ZFAND6: variants seen among roughly 807,000 people sequenced by gnomAD.
The protein encoded by ZFAND6 is AN1-type zinc finger protein 6.
A neutral mutation model predicts 24.5 loss-of-function variants in ZFAND6; 12 were observed. That is an observed-to-expected ratio of 0.49 (90% CI 0.31 to 0.79). The LOEUF is 0.79. Ranked by LOEUF, ZFAND6 falls within the 30% of genes least tolerant of loss-of-function variation. The probability of loss-of-function intolerance (pLI) is 0.04; values close to 1 mark genes in which losing one functional copy is unlikely to be tolerated. For missense variants in ZFAND6, 207 were observed against 245.9 expected (o/e 0.84, Z 1.06); for synonymous variants, 92 against 81.5 (o/e 1.13, Z -0.69).
In ZFAND6 at chr15:80,120,726, G is replaced by A. The variant is rs1267205788; in HGVS notation, c.154+228G>A. The A allele has an allele frequency of 2.5e-5, 7 of 280,160 alleles. 1 individual carries two copies. The South Asian group carries it at 1.1e-3, about 43-fold the overall frequency. The allele number at this position is 280,160 out of a possible 1,614,324, so 17.4% of individuals were successfully genotyped here. ...TTCATACCATAATCTTATTTCTGTG[G>A]CTGTGGAATTCTGTTACTTTATTTA... On this transcript the variant is annotated intron_variant, in intron 3 of 6. Coordinates refer to ENST00000261749, the MANE Select transcript of ZFAND6 (RefSeq NM_019006.4).
chr15:80,134,906 GA>G (rs1422964076), intron 6 of ZFAND6, among the ~76,000 whole-genome samples: 5 of 152,230 alleles, frequency 3.3e-5, no homozygotes, highest in African/African-American at 1.2e-4. Flanking sequence ...ACCGTTTGGT[GA>G]TATGAGAACT....
At chr15:80,064,059 T>C (rs1467467026) in intron 1 of ZFAND6, among the ~76,000 whole-genome samples, 4 of 152,264 alleles carry the variant, frequency 2.6e-5, no homozygotes, top group Admixed American at 2.6e-4. Context: ...AGTTCCATCT[T>C]ATAAAAGTAC....
At chr15:80,087,050 T>G (rs564360048) in intron 1 of ZFAND6, among the ~76,000 whole-genome samples, 1 of 152,386 alleles carries the variant, frequency 6.6e-6, no homozygotes, top group East Asian at 1.9e-4. Context: ...ACATTTTGTT[T>G]ATCCATTCAT....
At chr15:80,121,940 T>A in intron 4 of ZFAND6, 120 bp downstream of exon 4, 1 of 846,216 alleles carries the variant, frequency 1.2e-6, no homozygotes. Flanking sequence ...CCTAAAATTT[T>A]ATCGTCTGAT....
At chr15:80,063,743 G>T (rs1177306948) in intron 1 of ZFAND6, among the ~76,000 whole-genome samples, 1 of 152,108 alleles carries the variant, frequency 6.6e-6, no homozygotes, top group Non-Finnish European at 1.5e-5. Flanking sequence ...TAGAGAGGGG[G>T]TTTCAGCATG....
intron 1 of ZFAND6, among the ~76,000 whole-genome samples, chr15:80,075,815 G>A (rs1217471935): frequency 6.6e-6 from 1 of 152,030 alleles, no homozygotes; most frequent in Admixed American, 6.6e-5. Context: ...AAATGAACTC[G>A]AAACAGTTTT....
intron 5 of ZFAND6, 77 bp from the exon 6 acceptor site, chr15:80,131,103 A>C (rs1432161352): frequency 1.1e-5 from 12 of 1,085,114 alleles, no homozygotes; most frequent in Non-Finnish European, 1.3e-5. Context: ...TCTGAATAAT[A>C]GACTAGGGAG....
chr15:80,097,015 T>A (rs979822172), intron 1 of ZFAND6, among the ~76,000 whole-genome samples: 3 of 151,912 alleles, frequency 2.0e-5, no homozygotes, highest in African/African-American at 2.4e-5. Context: ...TTTTTTTTTT[T>A]TTGAGACGGT....
chr15:80,120,235 G>T (rs1238250875), intron 2 of ZFAND6, 93 bp from the exon 3 acceptor site: 3 of 1,053,268 alleles, frequency 2.8e-6, no homozygotes, highest in Non-Finnish European at 2.6e-6. Flanking sequence ...GATATATGTG[G>T]GCTTTTTTCT....
At chr15:80,117,510 C>G (rs1009927142) in intron 2 of ZFAND6, among the ~76,000 whole-genome samples, 2 of 152,216 alleles carry the variant, frequency 1.3e-5, no homozygotes, top group African/African-American at 4.8e-5. Flanking sequence ...GCATGAGCCA[C>G]CGTGCCCAGC....
chr15:80,117,895 A>G (rs188074936), intron 2 of ZFAND6, among the ~76,000 whole-genome samples: 9 of 152,288 alleles, frequency 5.9e-5, no homozygotes, highest in Admixed American at 1.3e-4. Flanking sequence ...GAAAAAGGCA[A>G]ATAACTCACT....
At chr15:80,111,323 C>T in intron 2 of ZFAND6, 1 of 343,050 alleles carries the variant, frequency 2.9e-6, no homozygotes, top group Non-Finnish European at 5.8e-6. Flanking sequence ...TTCCAGGACC[C>T]CCCTCATCCC....
At chr15:80,129,462 A>G (rs935779180) in intron 5 of ZFAND6, 1 of 152,224 alleles carries the variant, frequency 6.6e-6, no homozygotes, top group Non-Finnish European at 1.5e-5. Flanking sequence ...ATGTATTACA[A>G]TGTGTAGTTC....
intron 1 of ZFAND6, among the ~76,000 whole-genome samples, chr15:80,090,699 A>G (rs2038304406): frequency 6.6e-6 from 1 of 152,192 alleles, no homozygotes; most frequent in Non-Finnish European, 1.5e-5. Context: ...TCTGAGAAAG[A>G]GTCATATTTG....
At chr15:80,072,990 T>A (rs2092772048) in intron 1 of ZFAND6, among the ~76,000 whole-genome samples, 1 of 152,016 alleles carries the variant, frequency 6.6e-6, no homozygotes, top group South Asian at 2.1e-4. Flanking sequence ...GTTCATTTGA[T>A]ATGTCATTTT....
chr15:80,109,210 A>C (rs2039486841), intron 2 of ZFAND6, among the ~76,000 whole-genome samples: 1 of 152,198 alleles, frequency 6.6e-6, no homozygotes, highest in Non-Finnish European at 1.5e-5. Flanking sequence ...AGTTTCATTC[A>C]TACATTCAAT....
intron 1 of ZFAND6, among the ~76,000 whole-genome samples, chr15:80,080,344 A>G (rs1439534400): frequency 6.6e-6 from 1 of 152,208 alleles, no homozygotes; most frequent in African/African-American, 2.4e-5. Context: ...TTAAAATTAT[A>G]TATACAGTAG....
At chr15:80,092,600 C>G (rs2038451837) in intron 1 of ZFAND6, among the ~76,000 whole-genome samples, 1 of 152,110 alleles carries the variant, frequency 6.6e-6, no homozygotes, top group Non-Finnish European at 1.5e-5. Context: ...AAGTTCTTGT[C>G]TCATCATTCA....
chr15:80,077,619 G>A (rs1220326825), intron 1 of ZFAND6, among the ~76,000 whole-genome samples: 1 of 151,548 alleles, frequency 6.6e-6, no homozygotes, highest in Non-Finnish European at 1.5e-5. Flanking sequence ...ATTAACTATA[G>A]TTGGGAATTA....
Sources: gnomAD v4.1 joint callset for allele counts (sites outside exome capture counted in the v4.1 genomes callset) on GRCh38, gnomAD v4.1.1 for gene constraint, MANE v1.5 for transcripts, NCBI Gene and HGNC (gene_info 2026-07-23, HGNC 2026-07-21) for gene names.